The following TMEM178B variants were observed in gnomAD, a reference collection of about 807,000 sequenced individuals.
TMEM178B encodes transmembrane protein 178B.
Under a neutral mutation model 31.0 loss-of-function variants are expected in TMEM178B, and 5 were observed. The ratio of observed to expected loss-of-function variants is 0.16; its 90% CI spans 0.08 to 0.34. TMEM178B has a LOEUF of 0.34. TMEM178B is among the 10% of genes least tolerant of loss of function. TMEM178B has a pLI of 1.00. For missense variants in TMEM178B, 275 were observed against 400.3 expected, an observed-to-expected ratio of 0.69 and a Z score of 2.67; for synonymous variants, 164 against 164.0, an observed-to-expected ratio of 1.00 and a Z score of 0.00.
At chr7:141,267,677 T>C (rs955775671) in intron 2 of TMEM178B, among the ~76,000 whole-genome samples, 1 of 152,274 alleles carries the variant, frequency 6.6e-6, no homozygotes, top group Admixed American at 6.5e-5. Flanking sequence ...CCGGCACTGC[T>C]ACAGTCTTCT....
chr7:141,413,695 T>A (rs1474134893), intron 2 of TMEM178B, among the ~76,000 whole-genome samples: 1 of 152,248 alleles, frequency 6.6e-6, no homozygotes, highest in Non-Finnish European at 1.5e-5. Flanking sequence ...GGACAGCTTC[T>A]GCGCAGACGA....
At chr7:141,389,846 G>A (rs1349763346) in intron 2 of TMEM178B, among the ~76,000 whole-genome samples, 1 of 152,188 alleles carries the variant, frequency 6.6e-6, no homozygotes, top group Non-Finnish European at 1.5e-5. Flanking sequence ...AGTGACCCCG[G>A]TCTTTCAGAG....
chr7:141,340,159 C>T (rs1799492501), intron 2 of TMEM178B, among the ~76,000 whole-genome samples: 1 of 152,140 alleles, frequency 6.6e-6, no homozygotes, highest in East Asian at 1.9e-4. Flanking sequence ...GGCCATGAAC[C>T]AAGAAATGCA....
At position 141,470,796 on chromosome 7, in the gene TMEM178B, CCATA is replaced by C. The variant is rs1802225702; in HGVS notation, c.*19_*22del. The C allele has an allele frequency of 1.4e-6, 2 of 1,392,974 alleles. No individual in the cohort carries two copies. Among genetic ancestry groups the C allele is most frequent in the African/African-American group, 1.5e-5 (1 of 67,786 alleles). The allele number at this position is 1,392,974 out of a possible 1,614,324, so 86.3% of individuals were successfully genotyped here. A position where few individuals can be genotyped will look rare whatever the true frequency, so the allele number is the denominator to read the frequency against. The stretch of plus-strand genomic sequence containing the variant: ...TGGGACAGTGTGCTAAAAAACAAAC[CCATA>C]CATACATATATATATATAAATATAT... On this transcript the variant is annotated 3_prime_UTR_variant, in exon 4 of 4. Transcript: ENST00000565468.
intron 1 of TMEM178B, among the ~76,000 whole-genome samples, chr7:141,179,344 A>G (rs2129183701): frequency 6.6e-6 from 1 of 152,306 alleles, no homozygotes; most frequent in Middle Eastern, 3.4e-3. Flanking sequence ...TTGCCAATGG[A>G]AAAAAATGGA....
the TMEM178B span, among the ~76,000 whole-genome samples, chr7:141,487,345 G>A: frequency 1.3e-5 from 2 of 152,010 alleles, no homozygotes; most frequent in Non-Finnish European, 1.5e-5. Flanking sequence ...AACCCAGTCC[G>A]CCAAAGGTCT....
At chr7:141,102,599 G>C (rs780517685) in intron 1 of TMEM178B, among the ~76,000 whole-genome samples, 3 of 152,160 alleles carry the variant, frequency 2.0e-5, no homozygotes, top group Non-Finnish European at 4.4e-5. Context: ...GCATATGCAG[G>C]TTTCCTGGCA....
chr7:141,344,205 TG>T lies in TMEM178B; in HGVS notation c.497-93401del, dbSNP rs1799568715. 6.6e-6 allele frequency among the ~76,000 whole-genome samples: 1 copy of T among 152,238 alleles called. No individual in the cohort carries two copies. Among genetic ancestry groups the T allele is most frequent in the African/African-American group, 2.4e-5 (1 of 41,458 alleles). ...GTATCAACAGCAGCAGCAGTTAACA[TG>T]GATTATCTCATTTAATATTCTATGC... On this transcript the variant is annotated intron_variant, in intron 2 of 3. Transcript: ENST00000565468. The surrounding 1 kb of genome is among the most constrained non-coding windows in gnomAD (Gnocchi z 4.1).
At chr7:141,423,597 A>G (rs781464046) in intron 2 of TMEM178B, among the ~76,000 whole-genome samples, 5 of 152,114 alleles carry the variant, frequency 3.3e-5, no homozygotes, top group East Asian at 1.9e-4. Flanking sequence ...GCTCAGAACT[A>G]AGAGTTTGTG....
intron 2 of TMEM178B, among the ~76,000 whole-genome samples, chr7:141,399,715 C>T (rs1000214165): frequency 1.3e-5 from 2 of 152,164 alleles, no homozygotes; most frequent in African/African-American, 2.4e-5. Flanking sequence ...GTTGTTTGCA[C>T]CTTAAACTAC....
chr7:141,408,339 G>A (rs190192205), intron 2 of TMEM178B, among the ~76,000 whole-genome samples: 52 of 152,310 alleles, frequency 3.4e-4, no homozygotes, highest in African/African-American at 7.0e-4. Context: ...TTCATCCCAC[G>A]TGTGCTGAAT....
At chr7:141,146,343 G>T (rs1795849606) in intron 1 of TMEM178B, among the ~76,000 whole-genome samples, 1 of 152,216 alleles carries the variant, frequency 6.6e-6, no homozygotes, top group Non-Finnish European at 1.5e-5. Flanking sequence ...CCCAACTTCA[G>T]GATGTGAGTG....
chr7:141,094,614 T>C (rs1207219826), intron 1 of TMEM178B, among the ~76,000 whole-genome samples: 1 of 152,192 alleles, frequency 6.6e-6, no homozygotes. Context: ...CTGAAAAGCA[T>C]AAACAGGTTT....
At chr7:141,264,795 T>C (rs1798068550) in intron 2 of TMEM178B, among the ~76,000 whole-genome samples, 1 of 152,204 alleles carries the variant, frequency 6.6e-6, no homozygotes, top group African/African-American at 2.4e-5. Flanking sequence ...TTGTTTTTGT[T>C]GTACATCCAT....
chr7:141,339,366 G>A (rs1029009054), intron 2 of TMEM178B, among the ~76,000 whole-genome samples: 1 of 152,176 alleles, frequency 6.6e-6, no homozygotes, highest in Non-Finnish European at 1.5e-5. Context: ...ATGGGCTCAC[G>A]TGGGGCATGT....
chr7:141,502,579 T>C, the TMEM178B span, among the ~76,000 whole-genome samples: 1 of 152,150 alleles, frequency 6.6e-6, no homozygotes, highest in African/African-American at 2.4e-5. Context: ...GAGACCAGCC[T>C]GACCAATATG....
rs1255797845 is a variant in TMEM178B at position 141,074,162 on chromosome 7, C to G, written c.-149C>G. On this transcript the variant is annotated 5_prime_UTR_variant, in exon 1 of 4. Transcript: ENST00000565468. This position sits in a 1 kb window ranked among gnomAD's most constrained non-coding sequence, Gnocchi z 5.1. ...TCCCCGCAGTCCCCGGGCCGTGCTC[C>G]GGTAGGCGGGGGCCGAGGGGGCGCC... is the stretch of plus-strand genomic sequence containing the variant. 6 of 1,201,450 alleles carry G rather than the reference C, an allele frequency of 5.0e-6. No homozygotes were observed. Among genetic ancestry groups the G allele is most frequent in the Admixed American group, 3.2e-5 (1 of 31,712 alleles). 74.4% of individuals were successfully genotyped at this position (1,201,450 alleles called of 1,614,324 possible).
intron 1 of TMEM178B, among the ~76,000 whole-genome samples, chr7:141,209,485 A>C (rs1290968652): frequency 6.6e-6 from 1 of 152,256 alleles, no homozygotes; most frequent in Non-Finnish European, 1.5e-5. Context: ...TGCCCACTGC[A>C]GTCTTACAAA....
At chr7:141,284,906 G>A (rs142531930) in intron 2 of TMEM178B, among the ~76,000 whole-genome samples, 8 of 152,218 alleles carry the variant, frequency 5.3e-5, no homozygotes, top group African/African-American at 1.9e-4. Context: ...AGCCAAGAAG[G>A]TTGAGAATAG....
Sources: gnomAD v4.1 joint callset for allele counts (sites outside exome capture counted in the v4.1 genomes callset) on GRCh38, gnomAD v4.1.1 for gene constraint, Gnocchi (gnomAD v3.1) non-coding constraint, MANE v1.5 for transcripts, NCBI Gene and HGNC (gene_info 2026-07-23, HGNC 2026-07-21) for gene names.